Variants in CCDC73 observed in about 807,000 individuals in gnomAD.
CCDC73 encodes the protein coiled-coil domain-containing protein 73.
CCDC73 carries 95 observed loss-of-function variants against 116.5 expected under a neutral mutation model. The observed-to-expected ratio is 0.82, with a 90% confidence interval of 0.69 to 0.97. CCDC73 has a LOEUF of 0.97. Ranked by LOEUF, CCDC73 falls within the 50% of genes least tolerant of loss-of-function variation. The probability of loss-of-function intolerance (pLI) is 0.00; values close to 1 mark genes in which losing one functional copy is unlikely to be tolerated. For missense variants in CCDC73, 1,066 were observed against 1,206.8 expected, an observed-to-expected ratio of 0.88 and a Z score of 1.73; for synonymous variants, 398 against 401.3, an observed-to-expected ratio of 0.99 and a Z score of 0.10.
At chr11:32,626,607 T>C (rs1855576504) in intron 14 of CCDC73, among the ~76,000 whole-genome samples, 2 of 152,170 alleles carry the variant, frequency 1.3e-5, no homozygotes, top group Admixed American at 6.6e-5. Flanking sequence ...CAAAACAGCA[T>C]GGTACTGGTA....
At chr11:32,638,691 ATG>A (rs1855703696) in intron 13 of CCDC73, among the ~76,000 whole-genome samples, 1 of 151,378 alleles carries the variant, frequency 6.6e-6, no homozygotes, top group Non-Finnish European at 1.5e-5. Context: ...GTTGGCCAGG[ATG>A]GTCTTGATCT....
chr11:32,691,609 T>G (rs2133304336), intron 6 of CCDC73, among the ~76,000 whole-genome samples: 1 of 152,308 alleles, frequency 6.6e-6, no homozygotes, highest in African/African-American at 2.4e-5. Flanking sequence ...TAGCCGTCCT[T>G]TGTCAGAGGT....
At chr11:32,669,288 C>T (rs924502921) in intron 9 of CCDC73, among the ~76,000 whole-genome samples, 3 of 151,970 alleles carry the variant, frequency 2.0e-5, no homozygotes, top group Non-Finnish European at 4.4e-5. Flanking sequence ...ATGAGAATAA[C>T]AAAAGGAAAT....
chr11:32,619,177 C>T (rs1855500633), intron 14 of CCDC73, among the ~76,000 whole-genome samples: 1 of 152,062 alleles, frequency 6.6e-6, no homozygotes, highest in Non-Finnish European at 1.5e-5. Context: ...TAATTGTGCT[C>T]GACTTGTCAA....
intron 2 of CCDC73, among the ~76,000 whole-genome samples, chr11:32,747,123 T>C (rs4980792): frequency 0.25 from 37,450 of 152,160 alleles, 5,785 homozygotes; most frequent in East Asian, 0.79. Flanking sequence ...GTGAACGTCC[T>C]TTTTGTTGAT....
intron 9 of CCDC73, among the ~76,000 whole-genome samples, chr11:32,658,710 T>TA (rs951469529): frequency 2.7e-4 from 41 of 152,274 alleles, no homozygotes; most frequent in African/African-American, 9.4e-4. Context: ...GCTATTATAT[T>TA]AATCCAGGCA....
the CCDC73 span, among the ~76,000 whole-genome samples, chr11:32,823,774 C>G: frequency 2.7e-4 from 41 of 152,034 alleles, no homozygotes; most frequent in African/African-American, 9.9e-4. Context: ...GGATGTTGCT[C>G]TATTGCCCAA....
chr11:32,826,998 C>T, the CCDC73 span, among the ~76,000 whole-genome samples: 4 of 151,910 alleles, frequency 2.6e-5, no homozygotes, highest in African/African-American at 9.7e-5. Flanking sequence ...AGTAGCTGGA[C>T]TTACAGGTGC....
chr11:32,713,308 C>T (rs180826986), intron 3 of CCDC73, among the ~76,000 whole-genome samples: 79 of 152,212 alleles, frequency 5.2e-4, no homozygotes, highest in Non-Finnish European at 8.1e-4. Flanking sequence ...GTTGCCAAGA[C>T]ATTAGAGAGT....
At chr11:32,746,296 C>T (rs1221339672) in intron 2 of CCDC73, among the ~76,000 whole-genome samples, 3 of 152,204 alleles carry the variant, frequency 2.0e-5, no homozygotes, top group Non-Finnish European at 4.4e-5. Context: ...GAGAGATCTG[C>T]TGTTAGTCTG....
intron 1 of CCDC73, among the ~76,000 whole-genome samples, chr11:32,769,157 G>A (rs967689900): frequency 6.6e-6 from 1 of 152,136 alleles, no homozygotes; most frequent in Non-Finnish European, 1.5e-5. Flanking sequence ...TTAGTATTAC[G>A]TTGAAGATAT....
At chr11:32,780,794 A>C (rs1850576731) in intron 1 of CCDC73, among the ~76,000 whole-genome samples, 2 of 152,214 alleles carry the variant, frequency 1.3e-5, no homozygotes, top group Non-Finnish European at 2.9e-5. Flanking sequence ...TTCATTTCTA[A>C]ATGAGAAAGC....
chr11:32,664,465 C>T (rs182793452), intron 9 of CCDC73, among the ~76,000 whole-genome samples: 2 of 152,104 alleles, frequency 1.3e-5, no homozygotes, highest in South Asian at 2.1e-4. Flanking sequence ...AGTTTATTTG[C>T]GTAGAGGTGT....
intron 2 of CCDC73, among the ~76,000 whole-genome samples, chr11:32,727,704 T>A (rs1213220850): frequency 6.6e-6 from 1 of 152,104 alleles, no homozygotes; most frequent in African/African-American, 2.4e-5. Context: ...CCTGTGTAGC[T>A]GGGATTACAG....
At chr11:32,706,248 G>GAACCTTGTAA (rs1849854652) in intron 3 of CCDC73, among the ~76,000 whole-genome samples, 1 of 152,190 alleles carries the variant, frequency 6.6e-6, no homozygotes, top group South Asian at 2.1e-4. Flanking sequence ...GTTCCTTGAG[G>GAACCTTGTAA]AGTAGATTCT....
intron 6 of CCDC73, among the ~76,000 whole-genome samples, chr11:32,691,484 T>C (rs192063817): frequency 1.8e-4 from 27 of 152,346 alleles, no homozygotes; most frequent in Non-Finnish European, 2.9e-4. Context: ...CATAAACTTA[T>C]ATGCCATCTG....
intron 7 of CCDC73, 74 bp from the exon 8 acceptor site, chr11:32,676,095 T>TTTTAC: frequency 8.1e-7 from 1 of 1,240,098 alleles, no homozygotes; most frequent in Non-Finnish European, 1.1e-6. Flanking sequence ...ATATGTAAAA[T>TTTTAC]ATATTGTGGT....
chr11:32,609,237 A>G (rs188600719), intron 17 of CCDC73, among the ~76,000 whole-genome samples: 5 of 152,242 alleles, frequency 3.3e-5, no homozygotes, highest in Non-Finnish European at 7.3e-5. Context: ...CCCTTATAAA[A>G]CTGAATGCCT....
chr11:32,741,673 T>C (rs574080130), intron 2 of CCDC73, among the ~76,000 whole-genome samples: 1 of 151,956 alleles, frequency 6.6e-6, no homozygotes, highest in South Asian at 2.1e-4. Context: ...TATATATTTA[T>C]ATATACTTTA....
Sources: allele counts gnomAD v4.1 joint callset (sites outside exome capture counted in the v4.1 genomes callset), GRCh38; gene constraint gnomAD v4.1.1; transcripts MANE v1.5; gene names NCBI Gene and HGNC (gene_info 2026-07-23, HGNC 2026-07-21).